Variants in HTR1F observed in about 807,000 individuals in gnomAD.
HTR1F encodes 5-hydroxytryptamine (serotonin) receptor 1F, G protein-coupled.
Under a neutral mutation model 24.0 loss-of-function variants are expected in HTR1F, and 17 were observed. That is an observed-to-expected ratio of 0.71 (90% CI 0.48 to 1.06). The LOEUF (loss-of-function observed/expected upper bound fraction) is 1.06. Ranked by LOEUF, HTR1F falls within the 50% of genes least tolerant of loss-of-function variation. The pLI, the probability that HTR1F is intolerant of heterozygous loss-of-function variation, is 0.00. For synonymous variants in HTR1F, 186 were observed against 156.8 expected, an observed-to-expected ratio of 1.19 and a Z score of -1.39; for missense variants, 391 against 427.8, an observed-to-expected ratio of 0.91 and a Z score of 0.76.
chr3:87,924,746 G>A (rs1704085303), intron 2 of HTR1F, among the ~76,000 whole-genome samples: 1 of 152,142 alleles, frequency 6.6e-6, no homozygotes, highest in Admixed American at 6.6e-5. Context: ...TCAGTCTAAT[G>A]AGGGTTCCTT....
intron 2 of HTR1F, among the ~76,000 whole-genome samples, chr3:87,941,739 G>C (rs1371449922): frequency 2.6e-5 from 4 of 152,116 alleles, no homozygotes; most frequent in Admixed American, 2.6e-4. Context: ...GCATCTTTAA[G>C]GTTCAGGACT....
At chr3:87,969,762 C>T (rs1206641401) in intron 2 of HTR1F, among the ~76,000 whole-genome samples, 4 of 151,984 alleles carry the variant, frequency 2.6e-5, no homozygotes, top group Admixed American at 6.6e-5. Context: ...TGGGAGGGGC[C>T]AGGGTGGAAT....
intron 2 of HTR1F, among the ~76,000 whole-genome samples, chr3:87,933,833 G>C (rs1216180226): frequency 6.6e-6 from 1 of 152,102 alleles, no homozygotes; most frequent in Non-Finnish European, 1.5e-5. Flanking sequence ...AACACATAAA[G>C]AGATTAATTC....
intron 2 of HTR1F, among the ~76,000 whole-genome samples, chr3:87,981,455 A>G (rs781009308): frequency 6.6e-6 from 1 of 152,178 alleles, no homozygotes; most frequent in African/African-American, 2.4e-5. Context: ...TCAGCCTCCC[A>G]AAGTGCTAGG....
chr3:87,836,471 C>G (rs1431917041), intron 2 of HTR1F, among the ~76,000 whole-genome samples: 1 of 151,976 alleles, frequency 6.6e-6, no homozygotes, highest in Non-Finnish European at 1.5e-5. Flanking sequence ...ATTTTAATAT[C>G]CATAAGTGGT....
intron 2 of HTR1F, among the ~76,000 whole-genome samples, chr3:87,913,747 T>C (rs1703831089): frequency 6.6e-6 from 1 of 152,192 alleles, no homozygotes; most frequent in African/African-American, 2.4e-5. Flanking sequence ...TGGAATACTA[T>C]GCAACCATAC....
intron 1 of HTR1F, among the ~76,000 whole-genome samples, chr3:87,814,524 A>T (rs953218868): frequency 1.3e-5 from 2 of 152,112 alleles, no homozygotes; most frequent in African/African-American, 4.8e-5. Context: ...TCTATGACCA[A>T]CTATCATTCT....
intron 2 of HTR1F, among the ~76,000 whole-genome samples, chr3:87,858,066 C>T (rs1184554623): frequency 2.0e-5 from 3 of 152,116 alleles, no homozygotes; most frequent in East Asian, 1.9e-4. Flanking sequence ...AAGGAGAAAG[C>T]GAATTATAAT....
At chr3:87,846,208 G>C (rs1215545509) in intron 2 of HTR1F, among the ~76,000 whole-genome samples, 1 of 152,008 alleles carries the variant, frequency 6.6e-6, no homozygotes, top group African/African-American at 2.4e-5. Flanking sequence ...TGAGACAGGT[G>C]GATCACCTGA....
intron 2 of HTR1F, among the ~76,000 whole-genome samples, chr3:87,879,363 G>A (rs1183397611): frequency 6.6e-6 from 1 of 152,088 alleles, no homozygotes; most frequent in Non-Finnish European, 1.5e-5. Context: ...TGATGTATAT[G>A]AAGATATTAA....
chr3:87,844,904 C>G (rs1389285876), intron 2 of HTR1F, among the ~76,000 whole-genome samples: 1 of 151,886 alleles, frequency 6.6e-6, no homozygotes, highest in South Asian at 2.1e-4. Context: ...GTTTTGGTAC[C>G]AGTACCTACC....
intron 1 of HTR1F, among the ~76,000 whole-genome samples, chr3:87,798,921 C>T (rs1703949390): frequency 6.6e-6 from 1 of 152,134 alleles, no homozygotes; most frequent in African/African-American, 2.4e-5. Flanking sequence ...TTTGGTGATC[C>T]TCTTCCATTG....
intron 2 of HTR1F, among the ~76,000 whole-genome samples, chr3:87,959,629 C>T (rs1705018433): frequency 6.6e-6 from 1 of 151,784 alleles, no homozygotes; most frequent in East Asian, 1.9e-4. Flanking sequence ...ATCAGAGAGA[C>T]AAATATGAAA....
intron 2 of HTR1F, among the ~76,000 whole-genome samples, chr3:87,848,048 G>A (rs1704986218): frequency 6.6e-6 from 1 of 151,818 alleles, no homozygotes; most frequent in Non-Finnish European, 1.5e-5. Flanking sequence ...TGAGATTACT[G>A]GACTGTATAG....
chr3:87,794,124 G>A (rs1703863428), intron 1 of HTR1F, among the ~76,000 whole-genome samples: 2 of 152,142 alleles, frequency 1.3e-5, no homozygotes, highest in Admixed American at 1.3e-4. Context: ...TTGTCTGTGT[G>A]TTTCTTGTGA....
At chr3:87,862,942 G>T (rs910924452) in intron 2 of HTR1F, among the ~76,000 whole-genome samples, 25 of 151,894 alleles carry the variant, frequency 1.6e-4, no homozygotes, top group African/African-American at 5.3e-4. Context: ...TCAGCCTCCA[G>T]AGTAGCTGGG....
At chr3:87,930,015 C>A (rs1704222891) in intron 2 of HTR1F, among the ~76,000 whole-genome samples, 1 of 152,146 alleles carries the variant, frequency 6.6e-6, no homozygotes, top group Non-Finnish European at 1.5e-5. Flanking sequence ...AGATCTTTCA[C>A]CTCCCTGGTT....
At chr3:87,943,215 C>T (rs6807548) in intron 2 of HTR1F, among the ~76,000 whole-genome samples, 61,465 of 151,880 alleles carry the variant, frequency 0.4, 12,803 homozygotes, top group African/African-American at 0.5. Context: ...ATTGACCTGA[C>T]TGAGTGAGAT....
chr3:87,812,266 G>A (rs1440012745), intron 1 of HTR1F, among the ~76,000 whole-genome samples: 2 of 152,174 alleles, frequency 1.3e-5, no homozygotes, highest in Non-Finnish European at 2.9e-5. Flanking sequence ...GGAAAAATTC[G>A]ATCTTCCTAG....
Sources: gnomAD v4.1 joint callset for allele counts (sites outside exome capture counted in the v4.1 genomes callset) on GRCh38, gnomAD v4.1.1 for gene constraint, MANE v1.5 for transcripts, NCBI Gene and HGNC (gene_info 2026-07-23, HGNC 2026-07-21) for gene names.